Variants in GAREM1 observed in about 807,000 individuals in gnomAD.
GAREM1 encodes GRB2 associated regulator of MAPK1 subtype 1, also known as GRB2-associated and regulator of MAPK protein 1.
GAREM1 carries 26 observed loss-of-function variants against 71.3 expected under a neutral mutation model. That is an observed-to-expected ratio of 0.36 (90% confidence interval 0.27 to 0.51). The LOEUF (loss-of-function observed/expected upper bound fraction) is 0.51, where lower values mean the gene tolerates loss of function less well. Among genes scored for constraint, GAREM1 ranks in the 20% least tolerant of loss-of-function variants. The probability of loss-of-function intolerance (pLI) is 0.95; values close to 1 mark genes in which losing one functional copy is unlikely to be tolerated. For synonymous variants in GAREM1, 440 were observed against 433.2 expected (o/e 1.02, Z -0.20); for missense variants, 1,026 against 1,103.1 (o/e 0.93, Z 0.99).
Position 32,420,365 on chromosome 18 carries a change from G to GAA in GAREM1, c.122-27332_122-27331dup, listed in dbSNP as rs1187302801. Among the ~76,000 whole-genome samples the GAA allele has an allele frequency of 2.0e-4, 29 of 143,730 alleles. 1 individual carries two copies. The highest frequency in any genetic ancestry group is 1.0e-3 in the East Asian group (5 of 4,932). 94.3% of individuals were successfully genotyped at this position (143,730 alleles called of 152,430 possible). A position where few individuals can be genotyped will look rare whatever the true frequency, so the allele number is the denominator to read the frequency against. ...GGGACCAGAAAATATTTAAAAATAG[G>GAA]AAAAAAAAAAACCCTGCTGGCCACT... On this transcript the variant is annotated intron_variant, in intron 1 of 5. Coordinates refer to ENST00000269209, the MANE Select transcript of GAREM1 (RefSeq NM_001242409.2).
intron 1 of GAREM1, among the ~76,000 whole-genome samples, chr18:32,446,223 AGTGTGT>A (rs10587223): frequency 1.5e-3 from 209 of 143,412 alleles, no homozygotes; most frequent in Middle Eastern, 0.01. Context: ...AGTTCCCCAT[AGTGTGT>A]GTGTGTGTGT....
chr18:32,351,591 C>T (rs1433183501), intron 2 of GAREM1, among the ~76,000 whole-genome samples: 2 of 152,096 alleles, frequency 1.3e-5, no homozygotes, highest in African/African-American at 4.8e-5. Context: ...TGGATAATTA[C>T]TTCTAGGATG....
intron 2 of GAREM1, among the ~76,000 whole-genome samples, chr18:32,335,394 A>G (rs1304676668): frequency 6.6e-6 from 1 of 152,160 alleles, no homozygotes; most frequent in Non-Finnish European, 1.5e-5. Context: ...TGAAGAGGGA[A>G]TTACTCTCGT....
intron 1 of GAREM1, among the ~76,000 whole-genome samples, chr18:32,464,637 G>C (rs529346627): frequency 6.6e-6 from 1 of 152,182 alleles, no homozygotes; most frequent in South Asian, 2.1e-4. Context: ...TCAATAACCT[G>C]GAATACTCAA....
Position 32,287,921 on chromosome 18 carries a change from C to G in GAREM1, c.676G>C (p.Glu226Gln). Residue 226 changes from glutamate to glutamine, a missense_variant, in exon 4 of 6, where the codon GAA (glutamate) becomes CAA (glutamine). Glu to Gln is a conservative substitution (Grantham distance 29, BLOSUM62 2). Transcript: ENST00000269209. The surrounding 1 kb of genome is among the most constrained non-coding windows in gnomAD (Gnocchi z 5.9). Reference sequence around the variant, plus strand: ...TGTTCGCCCTCTTGCATCTGAAGTTCCAGGGGACTTCGGGTGCTAAATCTG... The same window carrying G: ...TGTTCGCCCTCTTGCATCTGAAGTTGCAGGGGACTTCGGGTGCTAAATCTG... Reference protein sequence around the residue: ...KGRFSTRSPLELQMQEGEHTI... With the variant: ...KGRFSTRSPLQLQMQEGEHTI... 1 of 1,613,980 alleles carries G rather than the reference C, an allele frequency of 6.2e-7. No homozygotes were observed. Among genetic ancestry groups the G allele is most frequent in the Non-Finnish European group, 8.5e-7 (1 of 1,180,008 alleles).
chr18:32,417,100 CA>C (rs1261601934), intron 1 of GAREM1, among the ~76,000 whole-genome samples: 2 of 152,172 alleles, frequency 1.3e-5, no homozygotes, highest in African/African-American at 4.8e-5. Context: ...ATACAAATGG[CA>C]AACAGATATA....
intron 1 of GAREM1, among the ~76,000 whole-genome samples, chr18:32,435,398 G>A (rs1040318862): frequency 4.6e-5 from 7 of 152,060 alleles, no homozygotes; most frequent in Non-Finnish European, 1.0e-4. Context: ...GGGTATATGG[G>A]AAAACTCTAT....
intron 1 of GAREM1, among the ~76,000 whole-genome samples, chr18:32,446,743 C>G (rs545625864): frequency 6.6e-6 from 1 of 152,150 alleles, no homozygotes; most frequent in Non-Finnish European, 1.5e-5. Context: ...ATGAGGCTTC[C>G]TGAGCTGATT....
chr18:32,301,546 T>A (rs2047202287), intron 3 of GAREM1, among the ~76,000 whole-genome samples: 1 of 152,188 alleles, frequency 6.6e-6, no homozygotes, highest in South Asian at 2.1e-4. Context: ...TCCATTCAAC[T>A]TTTGGACTTT....
chr18:32,296,546 A>G (rs1035933984), intron 3 of GAREM1, among the ~76,000 whole-genome samples: 4 of 152,142 alleles, frequency 2.6e-5, no homozygotes, highest in Non-Finnish European at 5.9e-5. Context: ...CCTTGTTTCT[A>G]AGGCTTTGAC....
chr18:32,416,470 T>C (rs760297320), intron 1 of GAREM1, among the ~76,000 whole-genome samples: 8 of 151,956 alleles, frequency 5.3e-5, no homozygotes, highest in Non-Finnish European at 1.2e-4. Flanking sequence ...CAAATTATAT[T>C]AATACTACAG....
At chr18:32,459,450 T>A (rs2048931204) in intron 1 of GAREM1, among the ~76,000 whole-genome samples, 1 of 152,068 alleles carries the variant, frequency 6.6e-6, no homozygotes. Context: ...TCCTCTTAAC[T>A]GGCCAAAGAC....
intron 3 of GAREM1, among the ~76,000 whole-genome samples, chr18:32,296,712 T>C (rs1050469190): frequency 5.3e-5 from 8 of 151,524 alleles, no homozygotes; most frequent in Admixed American, 6.6e-5. Context: ...TGGCAGTTTT[T>C]TTTTTTTTTT....
chr18:32,417,760 AATG>A (rs1381015782), intron 1 of GAREM1, among the ~76,000 whole-genome samples: 1 of 152,146 alleles, frequency 6.6e-6, no homozygotes, highest in African/African-American at 2.4e-5. Flanking sequence ...GGGGATGGTT[AATG>A]GACACACACA....
intron 1 of GAREM1, among the ~76,000 whole-genome samples, chr18:32,408,799 A>G (rs1176657837): frequency 6.6e-6 from 1 of 152,208 alleles, no homozygotes; most frequent in East Asian, 1.9e-4. Context: ...AGTAGAATCT[A>G]TATGCCAATC....
chr18:32,317,882 T>A (rs531870685), intron 2 of GAREM1, among the ~76,000 whole-genome samples: 1 of 152,214 alleles, frequency 6.6e-6, no homozygotes, highest in South Asian at 2.1e-4. Flanking sequence ...GTGAAATCAA[T>A]TTACATGACA....
At position 32,319,267 on chromosome 18, in the gene GAREM1, T is replaced by C. The variant is rs1319930844; in HGVS notation, c.263-8944A>G. Among the ~76,000 whole-genome samples the C allele has an allele frequency of 2.0e-5, 3 of 152,320 alleles. No individual in the cohort carries two copies. The East Asian group carries it at 5.8e-4, about 29-fold the overall frequency. On this transcript the variant is annotated intron_variant, in intron 2 of 5. Coordinates refer to ENST00000269209, the MANE Select transcript of GAREM1 (RefSeq NM_001242409.2). Reference sequence around the variant, plus strand: ...GCAATTCTCAAGTGACAGAAACAAGTAGCCAGTTGCCATTTTTCAATAAGT... The same window carrying C: ...GCAATTCTCAAGTGACAGAAACAAGCAGCCAGTTGCCATTTTTCAATAAGT...
chr18:32,363,736 G>A (rs73958404), intron 2 of GAREM1, among the ~76,000 whole-genome samples: 13,159 of 151,664 alleles, frequency 0.087, 887 homozygotes, highest in African/African-American at 0.19. Flanking sequence ...AAGCCTTACA[G>A]CTTATGATTT....
At chr18:32,363,305 T>C (rs915295502) in intron 2 of GAREM1, among the ~76,000 whole-genome samples, 12 of 152,222 alleles carry the variant, frequency 7.9e-5, no homozygotes, top group African/African-American at 2.9e-4. Context: ...CCATTAATTG[T>C]AATTGTAGTC....
Sources: gnomAD v4.1 joint callset for allele counts (sites outside exome capture counted in the v4.1 genomes callset) on GRCh38, gnomAD v4.1.1 for gene constraint, Gnocchi (gnomAD v3.1) non-coding constraint, MANE v1.5 for transcripts, NCBI Gene and HGNC (gene_info 2026-07-23, HGNC 2026-07-21) for gene names.